The following NRG3 variants were observed in gnomAD, a reference collection of about 807,000 sequenced individuals.
NRG3 encodes neuregulin 3, also known as pro-neuregulin-3, membrane-bound isoform.
NRG3 carries 31 observed loss-of-function variants against 66.9 expected under a neutral mutation model. The observed-to-expected ratio is 0.46, with a 90% confidence interval of 0.35 to 0.63. The LOEUF (loss-of-function observed/expected upper bound fraction) is 0.63. NRG3 is among the 20% of genes least tolerant of loss of function. NRG3 has a pLI of 0.00. For missense variants in NRG3, 910 were observed against 878.9 expected, an observed-to-expected ratio of 1.04 and a Z score of -0.45; for synonymous variants, 393 against 359.4, an observed-to-expected ratio of 1.09 and a Z score of -1.06.
At chr10:82,051,952 T>G (rs2063612711) in intron 1 of NRG3, among the ~76,000 whole-genome samples, 1 of 152,064 alleles carries the variant, frequency 6.6e-6, no homozygotes, top group African/African-American at 2.4e-5. Context: ...TAGCAATGTC[T>G]TCTTCCATCT....
chr10:82,829,591 C>A (rs768488850), intron 3 of NRG3, among the ~76,000 whole-genome samples: 2 of 152,028 alleles, frequency 1.3e-5, no homozygotes, highest in African/African-American at 4.8e-5. Context: ...ACTAGGGAAC[C>A]AATAGAGGCT....
At chr10:81,964,469 A>G (rs892538430) in intron 1 of NRG3, among the ~76,000 whole-genome samples, 1 of 151,988 alleles carries the variant, frequency 6.6e-6, no homozygotes, top group African/African-American at 2.4e-5. Context: ...TCTGCAACAA[A>G]TTCCATCTCA....
chr10:82,494,785 A>G (rs1843464626), intron 2 of NRG3, among the ~76,000 whole-genome samples: 1 of 152,120 alleles, frequency 6.6e-6, no homozygotes, highest in Non-Finnish European at 1.5e-5. Context: ...CTCAAACTGC[A>G]GGTCACCTCC....
chr10:82,180,605 A>T (rs190347876), intron 1 of NRG3, among the ~76,000 whole-genome samples: 5 of 152,034 alleles, frequency 3.3e-5, no homozygotes, highest in Non-Finnish European at 7.4e-5. Context: ...TTGGTAAAAA[A>T]GTATATAATC....
chr10:82,076,030 A>G (rs770670903), intron 1 of NRG3, among the ~76,000 whole-genome samples: 2 of 152,154 alleles, frequency 1.3e-5, no homozygotes, highest in Non-Finnish European at 2.9e-5. Flanking sequence ...ATTCTAAGTG[A>G]AACGATAGGG....
chr10:81,878,158 T>G, intron 1 of NRG3: 1 of 1,379,242 alleles, frequency 7.3e-7, no homozygotes, highest in Non-Finnish European at 9.6e-7. Flanking sequence ...GGCAGCCTGT[T>G]TAATAAGTAA....
At chr10:82,826,840 T>G (rs74783655) in intron 3 of NRG3, among the ~76,000 whole-genome samples, 1,602 of 151,976 alleles carry the variant, frequency 0.011, 37 homozygotes, top group African/African-American at 0.037. Flanking sequence ...ACATACCTTG[T>G]ACACCAAATC....
At position 82,680,273 on chromosome 10, in the gene NRG3, A is replaced by G. The variant is rs115507325; in HGVS notation, c.954-58304A>G. Reference sequence around the variant, plus strand: ...CTGCTAAGGTGAAATTTGAACCCCAACAGGCTGGTTGGGGTCTTCAAGGTA... The same window carrying G: ...CTGCTAAGGTGAAATTTGAACCCCAGCAGGCTGGTTGGGGTCTTCAAGGTA... On this transcript the variant is annotated intron_variant, in intron 2 of 8. Transcript: ENST00000372141. Among the ~76,000 whole-genome samples the G allele has an allele frequency of 4.9e-3, 739 of 152,268 alleles. 5 individuals are homozygous for G. Among genetic ancestry groups the G allele is most frequent in the African/African-American group, 0.017 (704 of 41,550 alleles).
intron 1 of NRG3, among the ~76,000 whole-genome samples, chr10:82,265,483 G>A (rs1404472553): frequency 1.3e-5 from 2 of 152,218 alleles, no homozygotes; most frequent in African/African-American, 4.8e-5. Flanking sequence ...TAAAGTGACA[G>A]TGAATATACT....
Position 82,967,854 on chromosome 10 carries a change from C to G in NRG3, c.1285-5934C>G, listed in dbSNP as rs77815037. ...CTGGTGTGGTTCCTGGAGGTCAAAC[C>G]CATGGAAGTATCGGCATTCTGCCTA... On this transcript the variant is annotated intron_variant, in intron 6 of 8. Transcript: ENST00000372141. Among the ~76,000 whole-genome samples the G allele has an allele frequency of 7.7e-3, 1,166 of 152,250 alleles. 7 individuals carry two copies. The highest frequency in any genetic ancestry group is 0.017 in the Admixed American group (258 of 15,288).
At chr10:82,569,528 C>G (rs2045605152) in intron 2 of NRG3, among the ~76,000 whole-genome samples, 1 of 151,746 alleles carries the variant, frequency 6.6e-6, no homozygotes, top group Admixed American at 6.6e-5. Context: ...CAAAGCTAAA[C>G]TCTGGTTTTA....
chr10:82,378,566 T>TTTTTC (rs1218904061), intron 2 of NRG3, among the ~76,000 whole-genome samples: 2 of 151,894 alleles, frequency 1.3e-5, no homozygotes, highest in African/African-American at 2.4e-5. Context: ...TCTCTTCTCT[T>TTTTTC]TTTTCTTTTC....
At chr10:82,444,109 GT>G (rs1438895328) in intron 2 of NRG3, among the ~76,000 whole-genome samples, 1 of 152,112 alleles carries the variant, frequency 6.6e-6, no homozygotes, top group African/African-American at 2.4e-5. Flanking sequence ...TTGTTTGTTT[GT>G]TTTTGTTTTT....
chr10:82,148,423 T>G (rs2070423979), intron 1 of NRG3, among the ~76,000 whole-genome samples: 1 of 152,218 alleles, frequency 6.6e-6, no homozygotes, highest in Non-Finnish European at 1.5e-5. Context: ...AGTGAGGAAC[T>G]TACTTTCTGC....
intron 1 of NRG3, among the ~76,000 whole-genome samples, chr10:81,928,339 C>T (rs1303362444): frequency 1.3e-5 from 2 of 152,176 alleles, no homozygotes; most frequent in African/African-American, 4.8e-5. Context: ...AGTCACTCCA[C>T]CTCCCTCCTC....
At chr10:82,203,495 G>A (rs1200562151) in intron 1 of NRG3, among the ~76,000 whole-genome samples, 1 of 152,098 alleles carries the variant, frequency 6.6e-6, no homozygotes, top group African/African-American at 2.4e-5. Context: ...CTTTTAAGAG[G>A]CTTCTCTCAG....
At chr10:82,012,339 C>G (rs1297870008) in intron 1 of NRG3, among the ~76,000 whole-genome samples, 1 of 151,690 alleles carries the variant, frequency 6.6e-6, no homozygotes, top group Non-Finnish European at 1.5e-5. Context: ...GACCCTGGTC[C>G]CAGCCCATGA....
intron 2 of NRG3, among the ~76,000 whole-genome samples, chr10:82,459,984 G>A (rs908836330): frequency 2.6e-5 from 4 of 152,206 alleles, no homozygotes; most frequent in African/African-American, 4.8e-5. Context: ...GCAAGGTCAT[G>A]ATTCTCTTTA....
At chr10:82,044,787 A>G (rs562205175) in intron 1 of NRG3, among the ~76,000 whole-genome samples, 30 of 151,660 alleles carry the variant, frequency 2.0e-4, no homozygotes, top group African/African-American at 7.3e-4. Context: ...TCATTGTTCA[A>G]CTCCCACCTA....
Sources: gnomAD v4.1 joint callset for allele counts (sites outside exome capture counted in the v4.1 genomes callset) on GRCh38, gnomAD v4.1.1 for gene constraint, MANE v1.5 for transcripts, NCBI Gene and HGNC (gene_info 2026-07-23, HGNC 2026-07-21) for gene names.